Variants in ARHGEF28 observed in about 807,000 individuals in gnomAD.
ARHGEF28 encodes 190 kDa guanine nucleotide exchange factor.
ARHGEF28 carries 152 observed loss-of-function variants against 206.6 expected under a neutral mutation model. The observed-to-expected ratio is 0.74, with a 90% confidence interval of 0.64 to 0.84. ARHGEF28 has a LOEUF of 0.84. ARHGEF28 is among the 40% of genes least tolerant of loss of function. ARHGEF28 has a pLI of 0.00. For synonymous variants in ARHGEF28, 763 were observed against 776.4 expected (o/e 0.98, Z 0.29); for missense variants, 2,028 against 2,073.2 (o/e 0.98, Z 0.42).
At chr5:73,869,843 G>T (rs1759979459) in intron 20 of ARHGEF28, among the ~76,000 whole-genome samples, 2 of 152,178 alleles carry the variant, frequency 1.3e-5, no homozygotes, top group Non-Finnish European at 1.5e-5. Flanking sequence ...GGGAGGCGGA[G>T]GTTGCAGTGA....
At chr5:73,645,578 A>G (rs1462896549) in intron 1 of ARHGEF28, among the ~76,000 whole-genome samples, 6 of 152,176 alleles carry the variant, frequency 3.9e-5, no homozygotes, top group Admixed American at 3.9e-4. Context: ...GATATGTCTG[A>G]CCCTTCCTCA....
intron 9 of ARHGEF28, among the ~76,000 whole-genome samples, chr5:73,824,454 C>T (rs991643631): frequency 6.6e-6 from 1 of 151,806 alleles, no homozygotes; most frequent in Admixed American, 6.6e-5. Flanking sequence ...ATAGACAATA[C>T]TCACTGGGGT....
intron 1 of ARHGEF28, among the ~76,000 whole-genome samples, chr5:73,667,767 GGAATATTATGCTGCTT>G (rs1746054411): frequency 1.3e-5 from 2 of 152,140 alleles, no homozygotes; most frequent in Admixed American, 6.5e-5. Context: ...AGTGGCCAAA[GGAATATTATGCTGCTT>G]GAATATTATG....
chr5:73,817,026 C>T (rs969408585), intron 9 of ARHGEF28, among the ~76,000 whole-genome samples: 13 of 152,062 alleles, frequency 8.5e-5, no homozygotes, highest in African/African-American at 1.9e-4. Flanking sequence ...TATTAATCAA[C>T]GATTGAAAAA....
At chr5:73,733,929 G>A (rs1750754377) in intron 2 of ARHGEF28, among the ~76,000 whole-genome samples, 1 of 152,128 alleles carries the variant, frequency 6.6e-6, no homozygotes, top group African/African-American at 2.4e-5. Flanking sequence ...GGAGCACACA[G>A]TCACATGGCC....
At chr5:73,855,762 T>G (rs982864572) in intron 14 of ARHGEF28, among the ~76,000 whole-genome samples, 1 of 152,070 alleles carries the variant, frequency 6.6e-6, no homozygotes, top group Admixed American at 6.6e-5. Context: ...AGTGTCGTGT[T>G]GTAGAAGTAT....
rs1430119130 is a variant in ARHGEF28 at position 73,929,752 on chromosome 5, C to G, written c.4949-11092C>G. Among the ~76,000 whole-genome samples the G allele has an allele frequency of 2.0e-5, 3 of 152,020 alleles. No individual in the cohort carries two copies. In the East Asian group the frequency reaches 5.8e-4, roughly 29 times the overall value. Reference sequence around the variant, plus strand: ...TACCCATATCTTTTCCTTTGTTTTTCCTACTTAGGGTTAGCAAATATCTTA... The same window carrying G: ...TACCCATATCTTTTCCTTTGTTTTTGCTACTTAGGGTTAGCAAATATCTTA... On this transcript the variant is annotated intron_variant, in intron 35 of 35. Coordinates refer to ENST00000513042, the MANE Select transcript of ARHGEF28 (RefSeq NM_001177693.2).
intron 2 of ARHGEF28, among the ~76,000 whole-genome samples, chr5:73,692,979 A>G (rs983338536): frequency 6.6e-6 from 1 of 152,134 alleles, no homozygotes; most frequent in African/African-American, 2.4e-5. Context: ...ATATTAGTCT[A>G]TGAGGGCATC....
At chr5:73,796,478 G>A (rs913025924) in intron 9 of ARHGEF28, among the ~76,000 whole-genome samples, 2 of 152,218 alleles carry the variant, frequency 1.3e-5, no homozygotes, top group African/African-American at 4.8e-5. Context: ...ACACGTGCAT[G>A]GGGCTCCCTG....
intron 11 of ARHGEF28, among the ~76,000 whole-genome samples, chr5:73,841,223 A>G (rs1005696645): frequency 1.3e-5 from 2 of 152,238 alleles, no homozygotes; most frequent in African/African-American, 4.8e-5. Flanking sequence ...ATATATAGTT[A>G]CACAATAGAA....
chr5:73,793,790 G>A (rs1754624207), intron 7 of ARHGEF28, among the ~76,000 whole-genome samples: 1 of 132,162 alleles, frequency 7.6e-6, no homozygotes, highest in South Asian at 2.5e-4. Context: ...ATGCTGCCTT[G>A]GGTGAACCTT....
chr5:73,684,517 A>G (rs1475923784), intron 1 of ARHGEF28, among the ~76,000 whole-genome samples: 3 of 152,204 alleles, frequency 2.0e-5, no homozygotes, highest in Non-Finnish European at 4.4e-5. Context: ...GCTATTGTGA[A>G]TCATGCTGCT....
intron 26 of ARHGEF28, among the ~76,000 whole-genome samples, chr5:73,888,295 T>C (rs1037223044): frequency 6.6e-6 from 1 of 152,206 alleles, no homozygotes; most frequent in Admixed American, 6.5e-5. Flanking sequence ...ATTTTTGTAG[T>C]GTGTTAGAGT....
rs972832048 is a variant in ARHGEF28, at chr5:73,936,690, A to G, written c.4949-4154A>G. Among the ~76,000 whole-genome samples, 3 of 152,180 alleles carry G rather than the reference A, an allele frequency of 2.0e-5. No individual in the cohort carries two copies. The East Asian group carries it at 5.8e-4, about 29-fold the overall frequency. On this transcript the variant is annotated intron_variant, in intron 35 of 35. Coordinates refer to ENST00000513042, the MANE Select transcript of ARHGEF28 (RefSeq NM_001177693.2). ...TTGTGATGTAAAAGATTTTATTCACATCACAGTTTAGGAGGCACTTGGTTC... is the reference window on the plus strand; with the variant it reads ...TTGTGATGTAAAAGATTTTATTCACGTCACAGTTTAGGAGGCACTTGGTTC...
intron 7 of ARHGEF28, among the ~76,000 whole-genome samples, chr5:73,793,438 G>A (rs1754602815): frequency 6.6e-6 from 1 of 152,178 alleles, no homozygotes; most frequent in African/African-American, 2.4e-5. Flanking sequence ...TGCAGATTTG[G>A]GGCATTAGAT....
intron 35 of ARHGEF28, among the ~76,000 whole-genome samples, chr5:73,920,815 A>G (rs1030398889): frequency 6.6e-6 from 1 of 152,184 alleles, no homozygotes; most frequent in African/African-American, 2.4e-5. Flanking sequence ...TAAAAAGTTA[A>G]AATGTGTTTC....
chr5:73,820,388 G>C (rs1180930173), intron 9 of ARHGEF28, among the ~76,000 whole-genome samples: 1 of 152,094 alleles, frequency 6.6e-6, no homozygotes, highest in Non-Finnish European at 1.5e-5. Context: ...AGGTTAATGG[G>C]GGGTGGAGGT....
At chr5:73,855,376 T>TA (rs1758954603) in intron 14 of ARHGEF28, among the ~76,000 whole-genome samples, 2 of 152,250 alleles carry the variant, frequency 1.3e-5, no homozygotes, top group South Asian at 2.1e-4. Context: ...AATAATATTT[T>TA]TAAAAAAGCA....
intron 33 of ARHGEF28, 73 bp downstream of exon 33, chr5:73,904,478 C>G: frequency 2.1e-6 from 3 of 1,449,174 alleles, no homozygotes; most frequent in Non-Finnish European, 2.8e-6. Context: ...GATTCCCAGA[C>G]TTTAAAAATG....
Sources: gnomAD v4.1 joint callset for allele counts (sites outside exome capture counted in the v4.1 genomes callset) on GRCh38, gnomAD v4.1.1 for gene constraint, MANE v1.5 for transcripts, NCBI Gene and HGNC (gene_info 2026-07-23, HGNC 2026-07-21) for gene names.